RPGRIP1L: variants seen among roughly 807,000 people sequenced by gnomAD.
The protein encoded by RPGRIP1L is protein fantom.
In RPGRIP1L, 131 loss-of-function variants were observed where a neutral mutation model predicts 160.4. The ratio of observed to expected loss-of-function variants is 0.82; its 90% CI spans 0.71 to 0.94. The LOEUF is 0.94. Among genes scored for constraint, RPGRIP1L ranks in the 40% least tolerant of loss-of-function variants. The pLI, the probability that RPGRIP1L is intolerant of heterozygous loss-of-function variation, is 0.00. For missense variants in RPGRIP1L, 1,522 were observed against 1,535.8 expected, an observed-to-expected ratio of 0.99 and a Z score of 0.15; for synonymous variants, 510 against 515.8, an observed-to-expected ratio of 0.99 and a Z score of 0.15.
rs931560760 is a variant in RPGRIP1L at position 53,659,480 on chromosome 16, A to T, written c.1244-602T>A. 6 of 152,658 alleles carry T rather than the reference A, an allele frequency of 3.9e-5. No individual in the cohort carries two copies. The East Asian group carries it at 1.2e-3, about 29-fold the overall frequency. 9.5% of individuals were successfully genotyped at this position (152,658 alleles called of 1,614,324 possible). A position where few individuals can be genotyped will look rare whatever the true frequency, so the allele number is the denominator to read the frequency against. On this transcript the variant is annotated intron_variant, in intron 10 of 26. Coordinates refer to ENST00000647211, the MANE Select transcript of RPGRIP1L (RefSeq NM_015272.5). Reference sequence around the variant, plus strand: ...TGTACCCTCTAAATCCATAATAAAAAAATTAAAAAGTAAGGAAATTCTGAA... The same window carrying T: ...TGTACCCTCTAAATCCATAATAAAATAATTAAAAAGTAAGGAAATTCTGAA...
At chr16:53,649,200 A>G in intron 15 of RPGRIP1L, 85 bp from the exon 16 acceptor site, 1 of 1,117,034 alleles carries the variant, frequency 9.0e-7, no homozygotes, top group Non-Finnish European at 1.4e-6. Context: ...GGCATTATGC[A>G]TTAAAACTAT....
At chr16:53,699,292 C>T (rs1298112931) in intron 2 of RPGRIP1L, among the ~76,000 whole-genome samples, 1 of 147,850 alleles carries the variant, frequency 6.8e-6, no homozygotes, top group African/African-American at 2.5e-5. Flanking sequence ...AACCAGAGAC[C>T]TTTGTTCACT....
intron 5 of RPGRIP1L, among the ~76,000 whole-genome samples, chr16:53,687,008 T>A (rs1221969652): frequency 6.6e-6 from 1 of 152,156 alleles, no homozygotes; most frequent in Non-Finnish European, 1.5e-5. Flanking sequence ...CATGCATTTA[T>A]CTCTATCATG....
intron 24 of RPGRIP1L, among the ~76,000 whole-genome samples, chr16:53,618,582 C>T (rs1162314221): frequency 1.9e-4 from 29 of 152,144 alleles, no homozygotes; most frequent in Admixed American, 1.9e-3. Flanking sequence ...CTCACTTTGC[C>T]ACTCAAGCAA....
At chr16:53,660,580 G>A (rs1967695860) in intron 10 of RPGRIP1L, among the ~76,000 whole-genome samples, 1 of 151,678 alleles carries the variant, frequency 6.6e-6, no homozygotes, top group Admixed American at 6.6e-5. Flanking sequence ...AAAAAAACCT[G>A]TGATCCTAGG....
chr16:53,645,094 A>G (rs1248872327), intron 17 of RPGRIP1L, among the ~76,000 whole-genome samples: 4 of 152,200 alleles, frequency 2.6e-5, no homozygotes, highest in African/African-American at 9.6e-5. Flanking sequence ...TAAGAAACTG[A>G]TATCAGACAG....
intron 6 of RPGRIP1L, among the ~76,000 whole-genome samples, chr16:53,685,678 G>C (rs1969951707): frequency 6.6e-6 from 1 of 151,978 alleles, no homozygotes; most frequent in Admixed American, 6.6e-5. Context: ...ACATAGGGTG[G>C]GGGGAACAAC....
At chr16:53,609,798 C>A (rs1458604059) in intron 25 of RPGRIP1L, among the ~76,000 whole-genome samples, 1 of 152,028 alleles carries the variant, frequency 6.6e-6, no homozygotes, top group Non-Finnish European at 1.5e-5. Context: ...TGAGTGATTA[C>A]CATCCTGGGA....
chr16:53,642,687 T>G (rs1966301817), intron 17 of RPGRIP1L, among the ~76,000 whole-genome samples: 1 of 152,194 alleles, frequency 6.6e-6, no homozygotes, highest in Admixed American at 6.5e-5. Flanking sequence ...TGCACCTCAG[T>G]AAGAACAGTA....
chr16:53,682,376 T>C (rs1302158968), intron 6 of RPGRIP1L, among the ~76,000 whole-genome samples: 1 of 152,208 alleles, frequency 6.6e-6, no homozygotes, highest in Non-Finnish European at 1.5e-5. Flanking sequence ...CTCTTCTATG[T>C]ATACATGTTG....
chr16:53,638,422 T>C lies in RPGRIP1L; in HGVS notation c.2959-11A>G, dbSNP rs774428262. On this transcript the variant is annotated splice_polypyrimidine_tract_variant and intron_variant, in intron 19 of 26. Coordinates refer to ENST00000647211, the MANE Select transcript of RPGRIP1L (RefSeq NM_015272.5). ...AGGAGGAGAAGTCTCCTTATATTAA[T>C]GTGAAAACACGCATGTATGTCATTT... is the stretch of plus-strand genomic sequence containing the variant. The C allele has an allele frequency of 2.2e-6, 3 of 1,350,094 alleles. No individual in the cohort carries two copies. Among genetic ancestry groups the C allele is most frequent in the Middle Eastern group, 1.8e-4 (1 of 5,540 alleles). 83.6% of individuals were successfully genotyped at this position (1,350,094 alleles called of 1,614,324 possible). A position where few individuals can be genotyped will look rare whatever the true frequency, so the allele number is the denominator to read the frequency against.
chr16:53,619,193 G>A lies in RPGRIP1L; in HGVS notation c.3448C>T (p.Arg1150Trp), dbSNP rs750930363. 17 of 1,613,072 alleles carry A rather than the reference G, an allele frequency of 1.1e-5. No individual in the cohort carries two copies. The African/African-American group carries it at 1.5e-4, about 14-fold the overall frequency. Residue 1150 changes from arginine to tryptophan, a missense_variant, in exon 24 of 27, where the codon CGG becomes TGG. Transcript: ENST00000647211. ...AGGCTTAGAGCTATGATCTCAATCC[G>A]AATTTTTTCTGATGGCTGTTTAAAG... ...CHHTQPSEKI[R>W]IEIIALSLND...
rs760952407 is a variant in RPGRIP1L at position 53,657,612 on chromosome 16, ATTT to A, written c.1419_1421del (p.Lys473del). ...CTTTCACTAAAAAGGAAAGGTCTCC[ATTT>A]TTTTGTTCTTTTTGAGCCTAAAATA... is the stretch of plus-strand genomic sequence containing the variant. On this transcript the variant is annotated inframe_deletion, in exon 13 of 27. Coordinates refer to ENST00000647211, the MANE Select transcript of RPGRIP1L (RefSeq NM_015272.5). 4.7e-5 allele frequency: 74 copies of A among 1,587,540 alleles called. No individual in the cohort carries two copies. The East Asian group carries it at 1.7e-3, about 36-fold the overall frequency.
chr16:53,690,943 T>C (rs1378209519), intron 4 of RPGRIP1L, among the ~76,000 whole-genome samples: 2 of 152,268 alleles, frequency 1.3e-5, no homozygotes, highest in South Asian at 4.1e-4. Context: ...CAATCTCACA[T>C]AGCTAGGAGT....
At chr16:53,624,922 C>T (rs576162535) in intron 22 of RPGRIP1L, among the ~76,000 whole-genome samples, 2 of 152,256 alleles carry the variant, frequency 1.3e-5, no homozygotes, top group South Asian at 2.1e-4. Context: ...TGCGCCACCA[C>T]GCCTGACTGG....
intron 16 of RPGRIP1L, 112 bp downstream of exon 16, chr16:53,648,852 A>T: frequency 1.0e-6 from 1 of 992,218 alleles, no homozygotes; most frequent in Non-Finnish European, 1.5e-6. Flanking sequence ...AATAAAAGTT[A>T]AAAAAAGACA....
At chr16:53,676,519 G>A (rs1159742598) in intron 6 of RPGRIP1L, among the ~76,000 whole-genome samples, 1 of 152,040 alleles carries the variant, frequency 6.6e-6, no homozygotes, top group Non-Finnish European at 1.5e-5. Context: ...CCACTCAGCA[G>A]TGAATGACAT....
intron 15 of RPGRIP1L, among the ~76,000 whole-genome samples, chr16:53,649,717 AT>A (rs1339468738): frequency 1.3e-5 from 2 of 152,104 alleles, no homozygotes; most frequent in African/African-American, 4.8e-5. Flanking sequence ...TCTCTCTTCC[AT>A]GGGGAAGACT....
At chr16:53,677,668 T>G (rs905765502) in intron 6 of RPGRIP1L, among the ~76,000 whole-genome samples, 2 of 152,078 alleles carry the variant, frequency 1.3e-5, no homozygotes, top group African/African-American at 4.8e-5. Context: ...GGGAGAGAGA[T>G]GTCACAAAAA....
Sources: allele counts gnomAD v4.1 joint callset (sites outside exome capture counted in the v4.1 genomes callset), GRCh38; gene constraint gnomAD v4.1.1; transcripts MANE v1.5; gene names NCBI Gene and HGNC (gene_info 2026-07-23, HGNC 2026-07-21).